MAGI1: variants seen among roughly 807,000 people sequenced by gnomAD.
MAGI1 encodes the protein membrane-associated guanylate kinase, WW and PDZ domain-containing protein 1.
MAGI1 carries 58 observed loss-of-function variants against 139.9 expected under a neutral mutation model. That is an observed-to-expected ratio of 0.41 (90% confidence interval 0.34 to 0.52). The LOEUF is 0.52. Ranked by LOEUF, MAGI1 falls within the 20% of genes least tolerant of loss-of-function variation. The pLI is 0.12. For synonymous variants in MAGI1, 812 were observed against 737.9 expected (o/e 1.10, Z -1.63); for missense variants, 1,874 against 1,901.6 (o/e 0.99, Z 0.27).
intron 2 of MAGI1, among the ~76,000 whole-genome samples, chr3:65,609,105 GAGGAGACACA>G: frequency 6.6e-6 from 1 of 152,284 alleles, no homozygotes; most frequent in South Asian, 2.1e-4. Flanking sequence ...CGTTCAATAA[GAGGAGACACA>G]AGGGAGCTGC....
chr3:65,530,230 C>T (rs1350440193), intron 2 of MAGI1, among the ~76,000 whole-genome samples: 1 of 152,050 alleles, frequency 6.6e-6, no homozygotes, highest in Non-Finnish European at 1.5e-5. Context: ...TTCTGGATAC[C>T]TGTCATTAAT....
chr3:66,037,530 C>A (rs191391134), intron 1 of MAGI1, among the ~76,000 whole-genome samples: 1 of 152,100 alleles, frequency 6.6e-6, no homozygotes, highest in Non-Finnish European at 1.5e-5. Flanking sequence ...CGGGGTGAAG[C>A]AGATTTTCTG....
chr3:65,989,164 T>C (rs930699714), intron 1 of MAGI1, among the ~76,000 whole-genome samples: 1 of 152,228 alleles, frequency 6.6e-6, no homozygotes, highest in Non-Finnish European at 1.5e-5. Context: ...ACTGCCTTTA[T>C]ATAACCAGTA....
At chr3:65,422,349 G>A (rs1029434291) in intron 12 of MAGI1, among the ~76,000 whole-genome samples, 2 of 152,180 alleles carry the variant, frequency 1.3e-5, no homozygotes, top group Admixed American at 1.3e-4. Context: ...AATGAACAAT[G>A]CATCTACTAG....
At chr3:65,511,984 A>G (rs2077623683) in intron 2 of MAGI1, among the ~76,000 whole-genome samples, 1 of 127,844 alleles carries the variant, frequency 7.8e-6, no homozygotes. Flanking sequence ...TCAAACTAGA[A>G]CTCAGGATTA....
chr3:65,829,660 C>T (rs965560189), intron 1 of MAGI1, among the ~76,000 whole-genome samples: 6 of 152,160 alleles, frequency 3.9e-5, no homozygotes, highest in African/African-American at 1.4e-4. Context: ...TGGTATATTG[C>T]TTACAAATGT....
At chr3:66,017,615 C>T (rs1218421620) in intron 1 of MAGI1, among the ~76,000 whole-genome samples, 1 of 152,144 alleles carries the variant, frequency 6.6e-6, no homozygotes, top group East Asian at 1.9e-4. Context: ...GGGTTCTGAC[C>T]GCTAAACTGG....
At chr3:65,616,232 G>C (rs1248049048) in intron 2 of MAGI1, among the ~76,000 whole-genome samples, 1 of 152,126 alleles carries the variant, frequency 6.6e-6, no homozygotes, top group African/African-American at 2.4e-5. Flanking sequence ...GTGTAAGCAG[G>C]CAAGGGGTGG....
intron 1 of MAGI1, among the ~76,000 whole-genome samples, chr3:65,760,365 G>A (rs953421293): frequency 1.3e-4 from 19 of 150,830 alleles, no homozygotes; most frequent in Middle Eastern, 3.2e-3. Context: ...AAGGTCACAC[G>A]GCAAGGAAGT....
chr3:65,835,126 T>C (rs1406703815), intron 1 of MAGI1, among the ~76,000 whole-genome samples: 1 of 152,226 alleles, frequency 6.6e-6, no homozygotes, highest in Non-Finnish European at 1.5e-5. Flanking sequence ...ATTCTATTTT[T>C]TGTTTTCTGT....
intron 2 of MAGI1, among the ~76,000 whole-genome samples, chr3:65,530,647 GTGTGTGTGTGTGTGTA>G (rs1486582372): frequency 1.5e-5 from 2 of 129,728 alleles, no homozygotes; most frequent in Admixed American, 1.5e-4. Flanking sequence ...GTGTGTGTGT[GTGTGTGTGTGTGTGTA>G]TATATATATA....
intron 1 of MAGI1, among the ~76,000 whole-genome samples, chr3:65,712,550 T>C (rs889629147): frequency 3.3e-5 from 5 of 151,924 alleles, no homozygotes; most frequent in Admixed American, 6.6e-5. Flanking sequence ...TTTCACTCCG[T>C]CACTCAGGTT....
chr3:65,951,457 C>T (rs963993708), intron 1 of MAGI1, among the ~76,000 whole-genome samples: 3 of 152,034 alleles, frequency 2.0e-5, no homozygotes, highest in Non-Finnish European at 2.9e-5. Context: ...ACTGTTGCAT[C>T]GAAATGGAGA....
intron 12 of MAGI1, among the ~76,000 whole-genome samples, chr3:65,428,179 G>A (rs548844613): frequency 6.6e-6 from 1 of 152,200 alleles, no homozygotes; most frequent in Non-Finnish European, 1.5e-5. Context: ...CTCTCCTGTT[G>A]CAACAAACCA....
chr3:65,866,563 T>C (rs1030793336), intron 1 of MAGI1, among the ~76,000 whole-genome samples: 1 of 152,122 alleles, frequency 6.6e-6, no homozygotes, highest in African/African-American at 2.4e-5. Flanking sequence ...GACCAGGCAA[T>C]GACAGACTAA....
chr3:65,641,394 T>A (rs1469365010), intron 1 of MAGI1, among the ~76,000 whole-genome samples: 1 of 152,152 alleles, frequency 6.6e-6, no homozygotes, highest in East Asian at 1.9e-4. Context: ...TCAGACCAAT[T>A]CAGAATCTAT....
At chr3:65,926,858 G>A (rs570439536) in intron 1 of MAGI1, among the ~76,000 whole-genome samples, 69 of 152,208 alleles carry the variant, frequency 4.5e-4, no homozygotes, top group Middle Eastern at 6.8e-3. Context: ...TGCTGGGCGC[G>A]GTGGTGCACA....
chr3:65,768,044 T>C (rs2037631722), intron 1 of MAGI1, among the ~76,000 whole-genome samples: 1 of 152,236 alleles, frequency 6.6e-6, no homozygotes, highest in African/African-American at 2.4e-5. Context: ...ACTTAATTTG[T>C]TGAAATTTTG....
At chr3:65,487,714 AAAG>A (rs1309289382) in intron 3 of MAGI1, among the ~76,000 whole-genome samples, 2 of 152,180 alleles carry the variant, frequency 1.3e-5, no homozygotes, top group African/African-American at 4.8e-5. Flanking sequence ...TGTATCCACA[AAAG>A]AAGATCACCA....
Sources: gnomAD v4.1 joint callset for allele counts (sites outside exome capture counted in the v4.1 genomes callset) on GRCh38, gnomAD v4.1.1 for gene constraint, MANE v1.5 for transcripts, NCBI Gene and HGNC (gene_info 2026-07-23, HGNC 2026-07-21) for gene names.